The following BBS2 variants were observed in gnomAD, a reference collection of about 807,000 sequenced individuals.
BBS2 encodes the protein BBSome complex member BBS2.
BBS2 carries 62 observed loss-of-function variants against 83.0 expected under a neutral mutation model. The ratio of observed to expected loss-of-function variants is 0.75; its 90% CI spans 0.61 to 0.92. The LOEUF (loss-of-function observed/expected upper bound fraction) is 0.92, where lower values mean the gene tolerates loss of function less well. Ranked by LOEUF, BBS2 falls within the 40% of genes least tolerant of loss-of-function variation. BBS2 has a pLI of 0.00. For missense variants in BBS2, 784 were observed against 901.0 expected (o/e 0.87, Z 1.66); for synonymous variants, 303 against 326.1 (o/e 0.93, Z 0.76).
intron 3 of BBS2, 80 bp from the exon 4 acceptor site, chr16:56,511,001 A>G: frequency 1.3e-6 from 2 of 1,572,584 alleles, no homozygotes. Flanking sequence ...GAAGGAGAGG[A>G]TTACACAAAA....
chr16:56,484,525 C>T lies in BBS2; in HGVS notation c.*236G>A, dbSNP rs1457665451. On this transcript the variant is annotated 3_prime_UTR_variant, in exon 17 of 17. Coordinates refer to ENST00000245157, the MANE Select transcript of BBS2 (RefSeq NM_031885.5). ...CTCTGAAGCCCTAATACTTCAAAAGCATTCATCCTATTCCATAAAAACCTA... is the reference window on the plus strand; with the variant it reads ...CTCTGAAGCCCTAATACTTCAAAAGTATTCATCCTATTCCATAAAAACCTA... 2.3e-6 allele frequency: 1 copy of T among 435,510 alleles called. No homozygotes were observed. The highest frequency in any genetic ancestry group is 2.0e-5 in the African/African-American group (1 of 50,300). 27.0% of individuals were successfully genotyped at this position (435,510 alleles called of 1,614,324 possible).
At chr16:56,471,897 G>GAGTC (rs1232099688) in intron 17 of BBS2, among the ~76,000 whole-genome samples, 1 of 152,214 alleles carries the variant, frequency 6.6e-6, no homozygotes, top group Non-Finnish European at 1.5e-5. Context: ...AGAGGAACCA[G>GAGTC]AGTCAGTATC....
chr16:56,520,021 G>A lies in BBS2; in HGVS notation c.-159C>T. ...CCCGGGACGAACCCGTCCAGGTACC[G>A]CCTGCTCCTCCTGCGGCGGCGCAGA... On this transcript the variant is annotated 5_prime_UTR_variant, in exon 1 of 17. Transcript: ENST00000245157. 2 of 670,330 alleles carry A rather than the reference G, an allele frequency of 3.0e-6. No homozygotes were observed. Among genetic ancestry groups the A allele is most frequent in the Admixed American group, 2.2e-5 (1 of 45,280 alleles). The allele number at this position is 670,330 out of a possible 1,614,324, so 41.5% of individuals were successfully genotyped here. A position where few individuals can be genotyped will look rare whatever the true frequency, so the allele number is the denominator to read the frequency against.
rs201196733 is a variant in BBS2, at chr16:56,497,013, G to A, written c.1864C>T (p.Arg622Ter). Residue 622 changes from arginine (R) to a stop codon, truncating the protein, a stop_gained, in exon 15 of 17, where the codon CGA (arginine) becomes TGA (stop). Coordinates refer to ENST00000245157, the MANE Select transcript of BBS2 (RefSeq NM_031885.5). LOFTEE classifies it high-confidence loss of function. ...ADMADHSNLI[R>*]SLLVGAEDAR... Reference sequence around the variant, plus strand: ...TCCTCAGCTCCGACCAGCAAACTTCGGATCAAATTAGAATGATCAGCCATA... The same window carrying A: ...TCCTCAGCTCCGACCAGCAAACTTCAGATCAAATTAGAATGATCAGCCATA... 44 of 1,613,840 alleles carry A rather than the reference G, an allele frequency of 2.7e-5. No individual in the cohort carries two copies. Among genetic ancestry groups the A allele is most frequent in the Non-Finnish European group, 3.4e-5 (40 of 1,179,950 alleles).
chr16:56,480,149 A>G (rs1369102573), downstream of BBS2, among the ~76,000 whole-genome samples: 3 of 152,162 alleles, frequency 2.0e-5, no homozygotes, highest in African/African-American at 7.2e-5. Flanking sequence ...TACCCTATAA[A>G]TAACACTAGT....
chr16:56,480,352 C>CAAAAAAAAAAAAAAAA (rs1286219655), downstream of BBS2, among the ~76,000 whole-genome samples: 89 of 76,472 alleles, frequency 1.2e-3, 1 homozygote, highest in African/African-American at 1.4e-3. Context: ...CACACACACA[C>CAAAAAAAAAAAAAAAA]AAAAAAAAAA....
intron 17 of BBS2, chr16:56,470,846 C>T: frequency 6.9e-7 from 1 of 1,450,108 alleles, no homozygotes; most frequent in South Asian, 1.4e-5. Context: ...ACCATTCAAA[C>T]ATGTATTCAT....
chr16:56,506,342 G>A, intron 5 of BBS2, 118 bp from the exon 6 acceptor site: 1 of 789,464 alleles, frequency 1.3e-6, no homozygotes, highest in East Asian at 2.7e-5. Context: ...AGATTTAAAA[G>A]CGCTTCCAAT....
chr16:56,490,220 A>G (rs1462743189), intron 15 of BBS2, among the ~76,000 whole-genome samples: 1 of 152,174 alleles, frequency 6.6e-6, no homozygotes, highest in East Asian at 1.9e-4. Flanking sequence ...TATTATTTAT[A>G]TGAACACCAG....
downstream of BBS2, among the ~76,000 whole-genome samples, chr16:56,479,385 A>T (rs1478587317): frequency 6.6e-6 from 1 of 152,180 alleles, no homozygotes; most frequent in African/African-American, 2.4e-5. Context: ...GAGGCAGGAG[A>T]ATCGCTTGAA....
intron 1 of BBS2, 73 bp downstream of exon 1, chr16:56,519,673 A>G: frequency 7.9e-7 from 1 of 1,272,374 alleles, no homozygotes; most frequent in Middle Eastern, 2.5e-4. Context: ...AGGGGACGGG[A>G]TCCCAGGGGC....
At chr16:56,501,275 C>CT in intron 10 of BBS2, 78 bp downstream of exon 10, 1 of 1,549,748 alleles carries the variant, frequency 6.5e-7, no homozygotes. Context: ...GAGGAAGACT[C>CT]TGTCTCAAAA....
intron 12 of BBS2, chr16:56,498,776 C>T: frequency 1.5e-6 from 2 of 1,360,944 alleles, no homozygotes; most frequent in Non-Finnish European, 2.0e-6. Flanking sequence ...ATTCCCTTTT[C>T]TCACCTCACC....
intron 1 of BBS2, among the ~76,000 whole-genome samples, chr16:56,517,772 T>C (rs1317053049): frequency 6.6e-6 from 1 of 151,822 alleles, no homozygotes; most frequent in Non-Finnish European, 1.5e-5. Context: ...AAATCTGCTA[T>C]GCACCTACAG....
intron 15 of BBS2, among the ~76,000 whole-genome samples, chr16:56,492,436 C>T (rs1415632452): frequency 6.6e-6 from 1 of 152,040 alleles, no homozygotes; most frequent in Admixed American, 6.5e-5. Context: ...TATATATTTG[C>T]ATGGAGTATC....
intron 1 of BBS2, among the ~76,000 whole-genome samples, chr16:56,515,736 G>C (rs1964722585): frequency 6.6e-6 from 1 of 152,176 alleles, no homozygotes; most frequent in African/African-American, 2.4e-5. Context: ...AAAACGTGCA[G>C]CCACTGAACA....
Position 56,519,829 on chromosome 16 carries a change from G to A in BBS2, c.34C>T (p.His12Tyr). Residue 12 changes from histidine (H) to tyrosine (Y), a missense_variant, in exon 1 of 17, where the codon CAC (histidine) becomes TAC (tyrosine). His to Tyr is a moderately conservative substitution (Grantham distance 83, BLOSUM62 2). Transcript: ENST00000245157. ...LLPVFTLKLRHKISPRMVAIG... is the reference protein window; with the variant it reads ...LLPVFTLKLRYKISPRMVAIG... ...GCCACCATTCGGGGGCTGATTTTGTGGCGCAGTTTCAGGGTGAACACAGGC... is the reference window on the plus strand; with the variant it reads ...GCCACCATTCGGGGGCTGATTTTGTAGCGCAGTTTCAGGGTGAACACAGGC... 6.2e-7 allele frequency: 1 copy of A among 1,613,874 alleles called. No homozygotes were observed. Among genetic ancestry groups the A allele is most frequent in the Non-Finnish European group, 8.5e-7 (1 of 1,179,820 alleles).
chr16:56,511,181 T>C lies in BBS2; in HGVS notation c.449A>G (p.Glu150Gly), dbSNP rs1435046904. The change falls in exon 3 of 17, where the codon GAA becomes GGA. Residue 150 changes from glutamate to glycine, a missense_variant. Physicochemically the swap from Glu to Gly is moderately conservative, Grantham distance 98 (BLOSUM62 -2). Coordinates refer to ENST00000245157, the MANE Select transcript of BBS2 (RefSeq NM_031885.5). Reference protein sequence around the residue: ...GNCALQGFNHEGSDLFWTVTG... With the variant: ...GNCALQGFNHGGSDLFWTVTG... The stretch of plus-strand genomic sequence containing the variant: ...TACCGTCCAAAAGAGATCACTTCCT[T>C]CATGATTGAAACCTTGCAGAGCACA... The C allele has an allele frequency of 6.2e-7, 1 of 1,614,130 alleles. No homozygotes were observed. The highest frequency in any genetic ancestry group is 1.7e-5 in the Admixed American group (1 of 60,032).
intron 17 of BBS2, among the ~76,000 whole-genome samples, chr16:56,471,430 T>A (rs948424062): frequency 6.6e-6 from 1 of 151,854 alleles, no homozygotes; most frequent in African/African-American, 2.4e-5. Flanking sequence ...GAAAAGTCTC[T>A]CTGAGGAGCG....
Sources: allele counts gnomAD v4.1 joint callset (sites outside exome capture counted in the v4.1 genomes callset), GRCh38; gene constraint gnomAD v4.1.1; transcripts MANE v1.5; gene names NCBI Gene and HGNC (gene_info 2026-07-23, HGNC 2026-07-21).